The following PDE10A variants were observed in gnomAD, a reference collection of about 807,000 sequenced individuals.
PDE10A encodes phosphodiesterase 10A, also known as cAMP and cAMP-inhibited cGMP 3',5'-cyclic phosphodiesterase 10A.
A neutral mutation model predicts 97.7 loss-of-function variants in PDE10A; 39 were observed. That is an observed-to-expected ratio of 0.40 (90% CI 0.31 to 0.52). The LOEUF is 0.52. Ranked by LOEUF, PDE10A falls within the 20% of genes least tolerant of loss-of-function variation. The pLI, the probability that PDE10A is intolerant of heterozygous loss-of-function variation, is 0.56. For missense variants in PDE10A, 731 were observed against 1,047.8 expected (o/e 0.70, Z 4.17); for synonymous variants, 371 against 376.8 (o/e 0.98, Z 0.18).
chr6:165,791,800 G>A (rs926440003), intron 1 of PDE10A, among the ~76,000 whole-genome samples: 6 of 152,174 alleles, frequency 3.9e-5, no homozygotes, highest in Admixed American at 3.3e-4. Context: ...CGTTTCTTGG[G>A]CTTTGCTAGC....
intron 1 of PDE10A, among the ~76,000 whole-genome samples, chr6:165,802,825 A>G (rs759067927): frequency 1.3e-4 from 20 of 152,266 alleles, no homozygotes; most frequent in Non-Finnish European, 2.5e-4. Context: ...ATTTGCCTCA[A>G]TTTCTTCATA....
In PDE10A at chr6:165,895,738, C is replaced by T. The variant is rs370137418; in HGVS notation, c.-615+91791G>A. 3.7e-4 allele frequency among the ~76,000 whole-genome samples: 56 copies of T among 152,310 alleles called. 1 individual carries two copies. In the South Asian group the frequency reaches 0.011, roughly 30 times the overall value. On this transcript the variant is annotated intron_variant, in intron 1 of 19. Coordinates refer to the PDE10A transcript ENST00000366882. ...TCTCATGTGTGTCTTTCCTGAATTACCAAAACCTCCTGTTCCCAAGGGGCA... is the reference window on the plus strand; with the variant it reads ...TCTCATGTGTGTCTTTCCTGAATTATCAAAACCTCCTGTTCCCAAGGGGCA...
chr6:165,738,583 G>A (rs1792641435), intron 1 of PDE10A, among the ~76,000 whole-genome samples: 1 of 151,766 alleles, frequency 6.6e-6, no homozygotes, highest in South Asian at 2.1e-4. Flanking sequence ...CTGAGGAATC[G>A]CCACACTGAC....
At chr6:165,539,354 T>C (rs945881676) in intron 2 of PDE10A, among the ~76,000 whole-genome samples, 2 of 152,232 alleles carry the variant, frequency 1.3e-5, no homozygotes, top group Non-Finnish European at 2.9e-5. Flanking sequence ...TGTCATGTTA[T>C]ATACATTTCC....
intron 1 of PDE10A, among the ~76,000 whole-genome samples, chr6:165,579,047 T>C (rs970765010): frequency 5.3e-5 from 8 of 152,132 alleles, no homozygotes; most frequent in Middle Eastern, 3.2e-3. Context: ...GAACAGCACA[T>C]ACCCTCCCAA....
chr6:165,547,435 G>A (rs1039787212), intron 1 of PDE10A, among the ~76,000 whole-genome samples: 3 of 152,120 alleles, frequency 2.0e-5, no homozygotes, highest in African/African-American at 7.2e-5. Context: ...CATGGAAACT[G>A]TCATGAAGGA....
At chr6:165,394,990 T>C (rs1411010900) in intron 15 of PDE10A, among the ~76,000 whole-genome samples, 191 bp downstream of exon 15, 2 of 152,164 alleles carry the variant, frequency 1.3e-5, no homozygotes, top group Non-Finnish European at 1.5e-5. Context: ...CTACAGAGAA[T>C]CTGAAAAGGC....
intron 3 of PDE10A, among the ~76,000 whole-genome samples, chr6:165,463,368 G>A (rs557486232): frequency 6.6e-6 from 1 of 152,278 alleles, no homozygotes; most frequent in South Asian, 2.1e-4. Context: ...TCTACAAACT[G>A]GTTTTTGGAT....
chr6:165,482,264 CAG>C (rs1562508116), intron 3 of PDE10A, 49 bp downstream of exon 3: 1 of 1,248,248 alleles, frequency 8.0e-7, no homozygotes, highest in Admixed American at 1.7e-5. Context: ...ATAAACAAAA[CAG>C]ATTCATTTCC....
chr6:165,511,271 C>A (rs1781491445), intron 2 of PDE10A, among the ~76,000 whole-genome samples: 1 of 151,858 alleles, frequency 6.6e-6, no homozygotes, highest in African/African-American at 2.4e-5. Context: ...ATATTAATTT[C>A]TTCATTGACC....
At chr6:165,534,122 C>T (rs573618530) in intron 2 of PDE10A, among the ~76,000 whole-genome samples, 2 of 151,896 alleles carry the variant, frequency 1.3e-5, no homozygotes, top group South Asian at 4.2e-4. Context: ...TTAACAGATA[C>T]CACAGAAATT....
chr6:165,430,193 G>C, intron 9 of PDE10A, 94 bp downstream of exon 9: 2 of 787,986 alleles, frequency 2.5e-6, no homozygotes, highest in Non-Finnish European at 2.1e-6. Flanking sequence ...TCAGTTATCA[G>C]CTGCAATAGA....
chr6:165,828,021 A>G (rs1779808553), intron 1 of PDE10A, among the ~76,000 whole-genome samples: 1 of 152,218 alleles, frequency 6.6e-6, no homozygotes, highest in Non-Finnish European at 1.5e-5. Context: ...CTAGACTAGC[A>G]CAGGAGGGGT....
intron 3 of PDE10A, among the ~76,000 whole-genome samples, chr6:165,477,657 T>C (rs931438744): frequency 2.0e-5 from 3 of 152,144 alleles, no homozygotes; most frequent in Admixed American, 2.0e-4. Flanking sequence ...TAGATGATAA[T>C]TATTGTAAAG....
intron 19 of PDE10A, 52 bp downstream of exon 19, chr6:165,343,339 T>C (rs1022938516): frequency 1.8e-5 from 22 of 1,195,736 alleles, no homozygotes; most frequent in African/African-American, 1.0e-4. Context: ...AATTGATCCA[T>C]ACGTTTTATT....
intron 2 of PDE10A, among the ~76,000 whole-genome samples, chr6:165,511,366 T>G (rs745795550): frequency 2.1e-4 from 32 of 152,030 alleles, no homozygotes; most frequent in Non-Finnish European, 1.5e-5. Flanking sequence ...CTTCAAGTTT[T>G]ATTGTAGTCT....
chr6:165,663,626 T>C (rs1790409849), upstream of PDE10A, among the ~76,000 whole-genome samples: 3 of 152,176 alleles, frequency 2.0e-5, no homozygotes, highest in South Asian at 6.2e-4. Context: ...GGAGTTTAAA[T>C]CAACTCGCAG....
intron 2 of PDE10A, among the ~76,000 whole-genome samples, chr6:165,527,788 C>T (rs1782537031): frequency 6.6e-6 from 1 of 152,202 alleles, no homozygotes; most frequent in African/African-American, 2.4e-5. Context: ...GATCTCCACT[C>T]CTGCCATCTG....
chr6:165,373,275 C>T (rs1037027285), intron 18 of PDE10A, among the ~76,000 whole-genome samples: 8 of 151,686 alleles, frequency 5.3e-5, no homozygotes, highest in Non-Finnish European at 1.5e-5. Context: ...AAGAAACTAC[C>T]ATCAGAGTGA....
Sources: allele counts gnomAD v4.1 joint callset (sites outside exome capture counted in the v4.1 genomes callset), GRCh38; gene constraint gnomAD v4.1.1; transcripts MANE v1.5; gene names NCBI Gene and HGNC (gene_info 2026-07-23, HGNC 2026-07-21).